Variants in DLC1 observed in about 807,000 individuals in gnomAD.
DLC1 encodes DLC1 Rho GTPase activating protein, also known as rho GTPase-activating protein 7.
In DLC1, 54 loss-of-function variants were observed where a neutral mutation model predicts 140.3. That is an observed-to-expected ratio of 0.38 (90% CI 0.31 to 0.48). The LOEUF (loss-of-function observed/expected upper bound fraction) is 0.48. Ranked by LOEUF, DLC1 falls within the 20% of genes least tolerant of loss-of-function variation. The pLI is 0.96. For synonymous variants in DLC1, 986 were observed against 728.1 expected (o/e 1.35, Z -5.70); for missense variants, 2,536 against 1,907.0 (o/e 1.33, Z -6.14).
chr8:13,110,055 A>G (rs1819947092), intron 7 of DLC1, among the ~76,000 whole-genome samples: 1 of 152,228 alleles, frequency 6.6e-6, no homozygotes, highest in Non-Finnish European at 1.5e-5. Flanking sequence ...GAAAAATTAG[A>G]AAGGATGAAA....
rs116040953 is a variant in DLC1 at position 13,564,425 on chromosome 8, G to A, written c.-126+40112C>T. On this transcript the variant is annotated intron_variant, in intron 1 of 1. Transcript: ENST00000631382. ...AACATTTCATCTTGCTGCATCTACA[G>A]AACCAAGCACAGCGTTACTTGAGAA... Among the ~76,000 whole-genome samples the A allele has an allele frequency of 3.7e-3, 571 of 152,302 alleles. 4 individuals are homozygous for A. The highest frequency in any genetic ancestry group is 0.013 in the African/African-American group (551 of 41,566).
At chr8:13,128,011 C>A (rs1299766906) in intron 5 of DLC1, among the ~76,000 whole-genome samples, 1 of 151,762 alleles carries the variant, frequency 6.6e-6, no homozygotes, top group Non-Finnish European at 1.5e-5. Context: ...AATAAGCACA[C>A]TTTTCACGAG....
At chr8:13,539,776 G>A (rs56104990) in intron 1 of DLC1, among the ~76,000 whole-genome samples, 15,408 of 150,894 alleles carry the variant, frequency 0.1, 1,100 homozygotes, top group Non-Finnish European at 0.14. Context: ...GTGTGTGTGT[G>A]TACATTTTAT....
At chr8:13,547,272 T>G (rs1009884939) in intron 1 of DLC1, among the ~76,000 whole-genome samples, 6 of 152,078 alleles carry the variant, frequency 3.9e-5, no homozygotes, top group Non-Finnish European at 8.8e-5. Flanking sequence ...ATTATTAATA[T>G]TTTCATAGCT....
chr8:13,131,133 C>A (rs1822039483), intron 5 of DLC1, among the ~76,000 whole-genome samples: 1 of 152,230 alleles, frequency 6.6e-6, no homozygotes, highest in Admixed American at 6.5e-5. Context: ...GGGCACCCCT[C>A]TGACCATCTG....
intron 5 of DLC1, among the ~76,000 whole-genome samples, chr8:13,121,973 G>A (rs1821116924): frequency 6.6e-6 from 1 of 152,156 alleles, no homozygotes; most frequent in South Asian, 2.1e-4. Flanking sequence ...AGCCAGGATT[G>A]AGGACCACTA....
chr8:13,471,225 A>C (rs1337020090), intron 2 of DLC1, among the ~76,000 whole-genome samples: 1 of 151,958 alleles, frequency 6.6e-6, no homozygotes, highest in Non-Finnish European at 1.5e-5. Flanking sequence ...CTGGAGACCT[A>C]ACGTACAGCC....
At chr8:13,138,713 T>C (rs1373036980) in intron 5 of DLC1, among the ~76,000 whole-genome samples, 1 of 152,234 alleles carries the variant, frequency 6.6e-6, no homozygotes, top group East Asian at 1.9e-4. Flanking sequence ...TCATTTATTG[T>C]TAAGCTTTCG....
rs375103328 is a variant in DLC1, at chr8:13,100,487, C to T, written c.1850G>A (p.Arg617Gln). ...APPSEDAATP[R>Q]TNSVISVCSS... ...GCAAACGCTGATGACGGAGTTAGTC[C>T]GGGGGGTGGCAGCATCCTCGCTGGG... Residue 617 changes from arginine (R) to glutamine (Q), a missense_variant, in exon 9 of 18, where the codon CGG (arginine) becomes CAG (glutamine). Physicochemically the swap from Arg to Gln is conservative, Grantham distance 43 (BLOSUM62 1). Coordinates refer to ENST00000276297, the MANE Select transcript of DLC1 (RefSeq NM_182643.3). 17 of 1,612,648 alleles carry T rather than the reference C, an allele frequency of 1.1e-5. No individual in the cohort carries two copies. Among genetic ancestry groups the T allele is most frequent in the Admixed American group, 3.3e-5 (2 of 59,994 alleles).
At chr8:13,460,074 A>G (rs1230230548) in intron 2 of DLC1, among the ~76,000 whole-genome samples, 1 of 152,196 alleles carries the variant, frequency 6.6e-6, no homozygotes, top group Non-Finnish European at 1.5e-5. Flanking sequence ...CAGGACTGGC[A>G]TCTAAGGCAG....
chr8:13,538,428 T>C (rs1035348732), intron 1 of DLC1, among the ~76,000 whole-genome samples: 1 of 151,800 alleles, frequency 6.6e-6, no homozygotes, highest in Non-Finnish European at 1.5e-5. Context: ...TCTTTACAGA[T>C]GGTGTCAACA....
chr8:13,214,708 G>A (rs773667991), intron 5 of DLC1: 11 of 780,760 alleles, frequency 1.4e-5, no homozygotes, highest in Admixed American at 5.1e-5. Context: ...TGCCACTTCC[G>A]AGTTGGAAAA....
At chr8:13,349,003 A>G (rs1231950822) in intron 4 of DLC1, among the ~76,000 whole-genome samples, 1 of 152,060 alleles carries the variant, frequency 6.6e-6, no homozygotes, top group Non-Finnish European at 1.5e-5. Context: ...ATGAAAAGAG[A>G]AGTGACTTTA....
At chr8:13,418,166 C>G (rs1233312788) in intron 2 of DLC1, among the ~76,000 whole-genome samples, 1 of 152,032 alleles carries the variant, frequency 6.6e-6, no homozygotes, top group Non-Finnish European at 1.5e-5. Flanking sequence ...TTGTAAGTTG[C>G]CTGTTCACTC....
At chr8:13,566,161 T>TA (rs1195491080) in intron 1 of DLC1, among the ~76,000 whole-genome samples, 29 of 151,456 alleles carry the variant, frequency 1.9e-4, no homozygotes, top group African/African-American at 2.4e-4. Flanking sequence ...GGACACTATT[T>TA]AAAAAAAAAT....
chr8:13,591,694 G>C (rs564183486), intron 1 of DLC1, among the ~76,000 whole-genome samples: 2 of 152,148 alleles, frequency 1.3e-5, no homozygotes, highest in African/African-American at 4.8e-5. Flanking sequence ...TAACAGTAAA[G>C]TTAGAAATAT....
intron 5 of DLC1, among the ~76,000 whole-genome samples, chr8:13,184,363 CT>C (rs1241359667): frequency 6.6e-6 from 1 of 152,024 alleles, no homozygotes; most frequent in Non-Finnish European, 1.5e-5. Context: ...TTTGCTCTTG[CT>C]TCTCTAGTTC....
intron 5 of DLC1, among the ~76,000 whole-genome samples, chr8:13,179,931 A>C (rs150258633): frequency 0.013 from 1,964 of 152,288 alleles, 53 homozygotes; most frequent in African/African-American, 0.044. Flanking sequence ...TACTTGAGGC[A>C]TTGCTACCTC....
intron 1 of DLC1, among the ~76,000 whole-genome samples, chr8:13,593,895 G>C (rs1237909367): frequency 1.3e-5 from 2 of 152,104 alleles, no homozygotes; most frequent in Non-Finnish European, 2.9e-5. Flanking sequence ...GGTAAAATTA[G>C]AATACTGTGA....
Sources: gnomAD v4.1 joint callset for allele counts (sites outside exome capture counted in the v4.1 genomes callset) on GRCh38, gnomAD v4.1.1 for gene constraint, MANE v1.5 for transcripts, NCBI Gene and HGNC (gene_info 2026-07-23, HGNC 2026-07-21) for gene names.